The following ORC2 variants were observed in gnomAD, a reference collection of about 807,000 sequenced individuals.
The protein encoded by ORC2 is origin recognition complex subunit 2.
Under a neutral mutation model 77.7 loss-of-function variants are expected in ORC2, and 37 were observed. The ratio of observed to expected loss-of-function variants is 0.48; its 90% CI spans 0.37 to 0.63. The LOEUF (loss-of-function observed/expected upper bound fraction) is 0.63, where lower values mean the gene tolerates loss of function less well. Ranked by LOEUF, ORC2 falls within the 20% of genes least tolerant of loss-of-function variation. ORC2 has a pLI of 0.00. For synonymous variants in ORC2, 201 were observed against 229.5 expected, an observed-to-expected ratio of 0.88 and a Z score of 1.12; for missense variants, 557 against 661.9, an observed-to-expected ratio of 0.84 and a Z score of 1.74.
intron 7 of ORC2, 33 bp from the exon 8 acceptor site, chr2:200,937,999 A>C: frequency 6.9e-7 from 1 of 1,455,688 alleles, no homozygotes; most frequent in Non-Finnish European, 9.5e-7. Flanking sequence ...TTAAATAATA[A>C]CATGGAAATT....
chr2:200,928,858 C>T (rs2040889477), intron 11 of ORC2, among the ~76,000 whole-genome samples: 1 of 151,720 alleles, frequency 6.6e-6, no homozygotes, highest in East Asian at 1.9e-4. Flanking sequence ...CTTTTATAGG[C>T]TGAAGCAGAG....
chr2:200,931,772 T>C (rs1369952008), intron 10 of ORC2, among the ~76,000 whole-genome samples: 2 of 152,220 alleles, frequency 1.3e-5, no homozygotes, highest in Admixed American at 6.5e-5. Context: ...ATAATTTACT[T>C]ACTATTATCA....
chr2:200,912,394 T>G (rs561945035), intron 17 of ORC2, among the ~76,000 whole-genome samples: 9 of 152,136 alleles, frequency 5.9e-5, no homozygotes, highest in Non-Finnish European at 1.3e-4. Flanking sequence ...TCTGTCTCCC[T>G]AAAATGTCAC....
At position 200,960,770 on chromosome 2, in the gene ORC2, G is replaced by C. The variant is rs539237243; in HGVS notation, c.-59-1330C>G. Among the ~76,000 whole-genome samples the C allele has an allele frequency of 2.0e-4, 30 of 152,174 alleles. No homozygotes were observed. In the South Asian group the frequency reaches 4.1e-3, roughly 21 times the overall value. On this transcript the variant is annotated intron_variant, in intron 1 of 17. Transcript: ENST00000234296. ...TTAGGGTTGAAATTCACTTCGGACTGATCCTAACTTCTTCTTTTTTTTTTC... is the reference window on the plus strand; with the variant it reads ...TTAGGGTTGAAATTCACTTCGGACTCATCCTAACTTCTTCTTTTTTTTTTC...
At chr2:200,952,862 G>T (rs1275142858) in intron 4 of ORC2, among the ~76,000 whole-genome samples, 1 of 150,530 alleles carries the variant, frequency 6.6e-6, no homozygotes, top group East Asian at 1.9e-4. Flanking sequence ...TCTAATCTCA[G>T]CACTTTGGAT....
intron 7 of ORC2, among the ~76,000 whole-genome samples, chr2:200,940,719 T>C (rs1476089981): frequency 6.6e-6 from 1 of 152,048 alleles, no homozygotes; most frequent in Non-Finnish European, 1.5e-5. Flanking sequence ...TAAGAATCAC[T>C]TGAACCTGGA....
At chr2:200,952,142 T>G (rs1008155671) in intron 4 of ORC2, among the ~76,000 whole-genome samples, 3 of 152,128 alleles carry the variant, frequency 2.0e-5, no homozygotes, top group Non-Finnish European at 4.4e-5. Flanking sequence ...CTACAGTATA[T>G]CTAGTTTTCA....
intron 4 of ORC2, among the ~76,000 whole-genome samples, chr2:200,953,440 G>A (rs533087478): frequency 6.6e-6 from 1 of 150,574 alleles, no homozygotes; most frequent in African/African-American, 2.5e-5. Flanking sequence ...AAAGGAAATA[G>A]GTGTTGGTAA....
At chr2:200,929,288 C>T (rs567541273) in intron 11 of ORC2, among the ~76,000 whole-genome samples, 9 of 152,196 alleles carry the variant, frequency 5.9e-5, no homozygotes, top group African/African-American at 2.2e-4. Context: ...GAGGGGTTAA[C>T]AGAAAGGTTT....
Position 200,933,875 on chromosome 2 carries a change from C to T in ORC2, c.807+1G>A, listed in dbSNP as rs1161307355. ...TAGAAGTAACATTCCTTGTAACATA[C>T]CTGATCCAGTTTAGCTCTCTTTAGC... On this transcript the variant is annotated splice_donor_variant, in intron 10 of 17. Transcript: ENST00000234296. LOFTEE classifies it high-confidence loss of function. The T allele has an allele frequency of 2.5e-6, 4 of 1,579,322 alleles. No individual in the cohort carries two copies. The highest frequency in any genetic ancestry group is 2.2e-5 in the East Asian group (1 of 44,544).
At chr2:200,942,303 T>C (rs958098967) in intron 6 of ORC2, among the ~76,000 whole-genome samples, 4 of 152,316 alleles carry the variant, frequency 2.6e-5, no homozygotes, top group African/African-American at 2.4e-5. Context: ...CTAGTTAGAA[T>C]GGATCATTCA....
At chr2:200,928,828 CA>C (rs1054590891) in intron 11 of ORC2, among the ~76,000 whole-genome samples, 6 of 147,880 alleles carry the variant, frequency 4.1e-5, no homozygotes, top group African/African-American at 7.4e-5. Context: ...AAAAAAACAA[CA>C]AAAAAAAAGT....
intron 13 of ORC2, among the ~76,000 whole-genome samples, chr2:200,922,263 G>A (rs560561985): frequency 6.6e-6 from 1 of 151,048 alleles, no homozygotes; most frequent in South Asian, 2.1e-4. Context: ...AAATACAGCA[G>A]AGATCAAGAT....
intron 8 of ORC2, 49 bp downstream of exon 8, chr2:200,937,855 CTT>C (rs1046754082): frequency 2.2e-5 from 27 of 1,223,018 alleles, no homozygotes; most frequent in Non-Finnish European, 2.9e-5. Flanking sequence ...ATTATTGCCT[CTT>C]GTTTAGATGC....
In ORC2 at chr2:200,959,992, C is replaced by CT. The variant is rs879759886; in HGVS notation, c.-59-553dup. Reference sequence around the variant, plus strand: ...GAGACTCTGTCTCTAATTTTTTTTTCTTTTTTTTTGAGACAGGGTCTGGGC... The same window carrying CT: ...GAGACTCTGTCTCTAATTTTTTTTTCTTTTTTTTTTGAGACAGGGTCTGGGC... On this transcript the variant is annotated intron_variant, in intron 1 of 17. Coordinates refer to ENST00000234296, the MANE Select transcript of ORC2 (RefSeq NM_006190.5). Among the ~76,000 whole-genome samples, 12 of 148,588 alleles carry CT rather than the reference C, an allele frequency of 8.1e-5. No individual in the cohort carries two copies. The South Asian group carries it at 1.3e-3, about 16-fold the overall frequency.
At chr2:200,918,088 A>G (rs2040689037) in intron 15 of ORC2, among the ~76,000 whole-genome samples, 1 of 152,158 alleles carries the variant, frequency 6.6e-6, no homozygotes, top group Non-Finnish European at 1.5e-5. Flanking sequence ...TATATTTTAT[A>G]TGGTTTTATT....
At chr2:200,944,233 G>A (rs2041208924) in intron 5 of ORC2, among the ~76,000 whole-genome samples, 2 of 152,034 alleles carry the variant, frequency 1.3e-5, no homozygotes, top group Admixed American at 1.3e-4. Context: ...GAGTGCAGTG[G>A]TGCGATCTCA....
chr2:200,914,271 T>C (rs1325131235), intron 15 of ORC2, among the ~76,000 whole-genome samples: 1 of 151,458 alleles, frequency 6.6e-6, no homozygotes, highest in Non-Finnish European at 1.5e-5. Context: ...GTTCACGCCA[T>C]TCTCCTGCCT....
chr2:200,934,304 G>T (rs1423090099), intron 9 of ORC2, among the ~76,000 whole-genome samples: 3 of 151,664 alleles, frequency 2.0e-5, no homozygotes, highest in Non-Finnish European at 2.9e-5. Context: ...TTCTCCTCAA[G>T]TAAGTCTTTT....
Sources: gnomAD v4.1 joint callset for allele counts (sites outside exome capture counted in the v4.1 genomes callset) on GRCh38, gnomAD v4.1.1 for gene constraint, MANE v1.5 for transcripts, NCBI Gene and HGNC (gene_info 2026-07-23, HGNC 2026-07-21) for gene names.